Variants in PRDM2 observed in about 807,000 individuals in gnomAD.
PRDM2 encodes PR domain zinc finger protein 2.
Under a neutral mutation model 130.0 loss-of-function variants are expected in PRDM2, and 30 were observed. The observed-to-expected ratio is 0.23, with a 90% CI of 0.17 to 0.31. The LOEUF (loss-of-function observed/expected upper bound fraction) is 0.31. PRDM2 is among the 10% of genes least tolerant of loss of function. PRDM2 has a pLI of 1.00. For synonymous variants in PRDM2, 871 were observed against 782.4 expected (o/e 1.11, Z -1.89); for missense variants, 2,011 against 2,108.4 (o/e 0.95, Z 0.90).
At chr1:13,729,593 T>C (rs557425919) in intron 2 of PRDM2, among the ~76,000 whole-genome samples, 1 of 152,340 alleles carries the variant, frequency 6.6e-6, no homozygotes, top group East Asian at 1.9e-4. Context: ...TATTTAGAAG[T>C]GAAAAATGTC....
chr1:13,764,169 G>C (rs531255381), intron 6 of PRDM2, among the ~76,000 whole-genome samples: 45 of 152,252 alleles, frequency 3.0e-4, no homozygotes, highest in African/African-American at 9.6e-4. Context: ...TGTCTCTTCT[G>C]TTTTCAGGGT....
At chr1:13,822,166 T>C (rs1243311504) in intron 9 of PRDM2, among the ~76,000 whole-genome samples, 3 of 152,162 alleles carry the variant, frequency 2.0e-5, no homozygotes, top group Non-Finnish European at 2.9e-5. Context: ...TCAGCAGATA[T>C]GTACCCACGT....
intron 8 of PRDM2, among the ~76,000 whole-genome samples, chr1:13,812,566 A>AC: frequency 6.6e-6 from 1 of 152,208 alleles, no homozygotes; most frequent in East Asian, 1.9e-4. Context: ...GCAAGGTGGG[A>AC]CCCTAGCATG....
At chr1:13,795,573 A>G (rs1644910391) in intron 8 of PRDM2, among the ~76,000 whole-genome samples, 1 of 152,176 alleles carries the variant, frequency 6.6e-6, no homozygotes, top group Admixed American at 6.5e-5. Flanking sequence ...ACTTGTAAGC[A>G]CCTTGTCTGC....
intron 6 of PRDM2, among the ~76,000 whole-genome samples, chr1:13,756,357 G>T (rs1643953523): frequency 6.6e-6 from 1 of 151,984 alleles, no homozygotes; most frequent in Admixed American, 6.6e-5. Flanking sequence ...GTTAAATGTT[G>T]TATGGTGAAC....
Position 13,773,193 on chromosome 1 carries a change from G to A in PRDM2, c.622+5G>A. On this transcript the variant is annotated splice_donor_5th_base_variant and intron_variant, in intron 7 of 9. Coordinates refer to ENST00000311066, the MANE Select transcript of PRDM2 (RefSeq NM_001393986.1). ...ATATGAGAGATTCTGCAGAAGGTAA[G>A]CTTGTGATATTGGCTTGGTCTGAAT... 1 of 1,518,904 alleles carries A rather than the reference G, an allele frequency of 6.6e-7. No homozygotes were observed. Among genetic ancestry groups the A allele is most frequent in the Non-Finnish European group, 8.9e-7 (1 of 1,129,262 alleles). 94.1% of individuals were successfully genotyped at this position (1,518,904 alleles called of 1,614,324 possible). A position where few individuals can be genotyped will look rare whatever the true frequency, so the allele number is the denominator to read the frequency against.
intron 8 of PRDM2, among the ~76,000 whole-genome samples, chr1:13,814,029 A>G (rs1645217564): frequency 6.6e-6 from 1 of 152,130 alleles, no homozygotes. Context: ...GTCTTGCTAC[A>G]CCACTGTAGA....
At chr1:13,710,634 C>G (rs957126451) in intron 1 of PRDM2, among the ~76,000 whole-genome samples, 1 of 152,002 alleles carries the variant, frequency 6.6e-6, no homozygotes, top group Non-Finnish European at 1.5e-5. Flanking sequence ...TAGACTTATT[C>G]GAGGGGTGCT....
intron 6 of PRDM2, among the ~76,000 whole-genome samples, chr1:13,753,675 A>G (rs1311957571): frequency 5.3e-5 from 8 of 152,232 alleles, no homozygotes; most frequent in Admixed American, 2.6e-4. Context: ...AGTAAGGACT[A>G]TTGACCCTCC....
At chr1:13,736,694 C>T (rs934743641) in intron 4 of PRDM2, among the ~76,000 whole-genome samples, 8 of 151,882 alleles carry the variant, frequency 5.3e-5, no homozygotes, top group Non-Finnish European at 1.0e-4. Flanking sequence ...TCCAGAAGGA[C>T]TGTACTATTA....
chr1:13,784,640 C>T (rs1046124534), intron 8 of PRDM2, among the ~76,000 whole-genome samples: 2 of 152,170 alleles, frequency 1.3e-5, no homozygotes, highest in Admixed American at 1.3e-4. Flanking sequence ...ACTAAAGGGC[C>T]TTAAAAATCA....
chr1:13,799,515 C>T lies in PRDM2; in HGVS notation c.5036+16684C>T, dbSNP rs114117895. Among the ~76,000 whole-genome samples, 974 of 151,904 alleles carry T rather than the reference C, an allele frequency of 6.4e-3. 12 individuals carry two copies. Among genetic ancestry groups the T allele is most frequent in the African/African-American group, 0.02 (841 of 41,434 alleles). On this transcript the variant is annotated intron_variant, in intron 8 of 9. Transcript: ENST00000311066. ...TGGAAAGTGGAATAGGACCAGAAAT[C>T]CTTCTGAACTTTTTTGCTGGAACGC... is the stretch of plus-strand genomic sequence containing the variant.
At chr1:13,721,367 G>A (rs1642723778) in intron 2 of PRDM2, among the ~76,000 whole-genome samples, 1 of 151,702 alleles carries the variant, frequency 6.6e-6, no homozygotes, top group Non-Finnish European at 1.5e-5. Context: ...ATAAAAAGTT[G>A]AAACCACTTT....
At chr1:13,755,088 A>AATTAGTAGT (rs1346431426) in intron 6 of PRDM2, among the ~76,000 whole-genome samples, 4 of 152,076 alleles carry the variant, frequency 2.6e-5, no homozygotes, top group African/African-American at 9.7e-5. Context: ...GTACGGTTTT[A>AATTAGTAGT]ATTAGTAGTT....
At chr1:13,792,529 AC>A (rs1644856504) in intron 8 of PRDM2, among the ~76,000 whole-genome samples, 1 of 152,148 alleles carries the variant, frequency 6.6e-6, no homozygotes, top group South Asian at 2.1e-4. Context: ...ATCCTTGCCA[AC>A]CCAGCTAGAG....
At chr1:13,705,314 T>C (rs1429338096) in intron 1 of PRDM2, 1 of 144,056 alleles carries the variant, frequency 6.9e-6, no homozygotes, top group Non-Finnish European at 1.6e-5. Flanking sequence ...ATTAGTAACA[T>C]TTTTTCTTAG....
At chr1:13,720,597 G>A (rs563373420) in intron 2 of PRDM2, among the ~76,000 whole-genome samples, 1 of 152,256 alleles carries the variant, frequency 6.6e-6, no homozygotes, top group Non-Finnish European at 1.5e-5. Flanking sequence ...GGCAGAATCA[G>A]GACTTGGTTA....
At chr1:13,756,742 T>C (rs1643964272) in intron 6 of PRDM2, among the ~76,000 whole-genome samples, 1 of 152,252 alleles carries the variant, frequency 6.6e-6, no homozygotes, top group African/African-American at 2.4e-5. Flanking sequence ...CATCATGTCA[T>C]TATGCCATGA....
At chr1:13,758,303 G>T (rs1211306972) in intron 6 of PRDM2, among the ~76,000 whole-genome samples, 1 of 151,844 alleles carries the variant, frequency 6.6e-6, no homozygotes, top group Non-Finnish European at 1.5e-5. Flanking sequence ...AATTAGCTGG[G>T]CGTGGTGGTG....
Sources: gnomAD v4.1 joint callset for allele counts (sites outside exome capture counted in the v4.1 genomes callset) on GRCh38, gnomAD v4.1.1 for gene constraint, MANE v1.5 for transcripts, NCBI Gene and HGNC (gene_info 2026-07-23, HGNC 2026-07-21) for gene names.